GSG1L: variants seen among roughly 807,000 people sequenced by gnomAD.
The protein encoded by GSG1L is germ cell-specific gene 1-like protein.
In GSG1L, 24 loss-of-function variants were observed where a neutral mutation model predicts 42.1. That is an observed-to-expected ratio of 0.57 (90% CI 0.41 to 0.80). The LOEUF is 0.80. Ranked by LOEUF, GSG1L falls within the 30% of genes least tolerant of loss-of-function variation. The pLI, the probability that GSG1L is intolerant of heterozygous loss-of-function variation, is 0.00. For synonymous variants in GSG1L, 215 were observed against 203.5 expected, an observed-to-expected ratio of 1.06 and a Z score of -0.48; for missense variants, 445 against 472.2, an observed-to-expected ratio of 0.94 and a Z score of 0.53.
chr16:27,886,903 C>G (rs1389187255), intron 2 of GSG1L, among the ~76,000 whole-genome samples: 1 of 152,068 alleles, frequency 6.6e-6, no homozygotes. Flanking sequence ...TTTGCAGGAA[C>G]TACTGGGAAA....
chr16:27,805,972 A>C (rs2082956988), intron 6 of GSG1L, among the ~76,000 whole-genome samples: 1 of 151,940 alleles, frequency 6.6e-6, no homozygotes, highest in African/African-American at 2.4e-5. Context: ...CCTATTCTGC[A>C]GGGAGCCTGG....
At chr16:27,979,568 A>ACC (rs2085289804) in intron 1 of GSG1L, among the ~76,000 whole-genome samples, 8 of 126,392 alleles carry the variant, frequency 6.3e-5, no homozygotes, top group African/African-American at 9.5e-5. Context: ...GAATCCATCA[A>ACC]AAAAAAAAAA....
intron 2 of GSG1L, chr16:27,888,120 T>A (rs993251030): frequency 3.8e-5 from 37 of 985,472 alleles, no homozygotes; most frequent in Non-Finnish European, 4.3e-5. Flanking sequence ...TGGCAGGGAC[T>A]GCCCCTCATC....
intron 1 of GSG1L, among the ~76,000 whole-genome samples, chr16:27,987,730 C>T (rs1391227210): frequency 6.6e-6 from 1 of 151,988 alleles, no homozygotes; most frequent in East Asian, 1.9e-4. Flanking sequence ...GGGCGGATCA[C>T]GAGGTCAGGA....
intron 1 of GSG1L, among the ~76,000 whole-genome samples, chr16:28,017,994 A>G (rs1449206640): frequency 6.6e-6 from 1 of 152,190 alleles, no homozygotes; most frequent in Non-Finnish European, 1.5e-5. Flanking sequence ...CTATACAGAT[A>G]TGTTTTAAAC....
chr16:27,841,758 G>A (rs539775311), intron 4 of GSG1L, among the ~76,000 whole-genome samples: 6 of 152,260 alleles, frequency 3.9e-5, no homozygotes, highest in South Asian at 2.1e-4. Flanking sequence ...GTGGGAATTC[G>A]GTGCCCCTTG....
intron 2 of GSG1L, among the ~76,000 whole-genome samples, chr16:27,958,596 C>T (rs377102314): frequency 6.6e-6 from 1 of 151,868 alleles, no homozygotes; most frequent in Non-Finnish European, 1.5e-5. Flanking sequence ...ACTGATAAAC[C>T]AAACCATTCA....
At chr16:27,954,423 A>G (rs1352961382) in intron 2 of GSG1L, among the ~76,000 whole-genome samples, 1 of 152,172 alleles carries the variant, frequency 6.6e-6, no homozygotes, top group Non-Finnish European at 1.5e-5. Flanking sequence ...AATCCTTCAA[A>G]TAGAGGAACC....
chr16:27,884,878 C>A lies in GSG1L; in HGVS notation c.398-240G>T, dbSNP rs536501656. On this transcript the variant is annotated intron_variant, in intron 2 of 6. Coordinates refer to ENST00000447459, the MANE Select transcript of GSG1L (RefSeq NM_001109763.2). This position sits in a 1 kb window ranked among gnomAD's most constrained non-coding sequence, Gnocchi z 4.4. The stretch of plus-strand genomic sequence containing the variant: ...CCTATTACTGGGGAAGAACTTTTAT[C>A]CTGTGGCTGGACCAAGGGCTCCCTT... 1.3e-5 allele frequency among the ~76,000 whole-genome samples: 2 copies of A among 152,138 alleles called. No individual in the cohort carries two copies. The highest frequency in any genetic ancestry group is 2.9e-5 in the Non-Finnish European group (2 of 68,024).
intron 3 of GSG1L, chr16:27,850,368 C>G (rs1290176711): frequency 8.1e-6 from 3 of 368,770 alleles, no homozygotes; most frequent in South Asian, 2.0e-5. Context: ...AGCAAGCAAA[C>G]AGTTGAAGGG....
At chr16:28,020,313 AG>A (rs35128081) in intron 1 of GSG1L, among the ~76,000 whole-genome samples, 1 of 152,184 alleles carries the variant, frequency 6.6e-6, no homozygotes, top group Non-Finnish European at 1.5e-5. Context: ...CATTGTTATA[AG>A]GGGTGTCATT....
At chr16:27,801,537 C>T (rs1023356179) in intron 6 of GSG1L, among the ~76,000 whole-genome samples, 3 of 152,224 alleles carry the variant, frequency 2.0e-5, no homozygotes, top group Non-Finnish European at 4.4e-5. Flanking sequence ...CTCGTCCAGG[C>T]ATTTCCAAAA....
At chr16:27,916,982 G>A (rs2084465010) in intron 2 of GSG1L, among the ~76,000 whole-genome samples, 1 of 152,156 alleles carries the variant, frequency 6.6e-6, no homozygotes, top group African/African-American at 2.4e-5. Context: ...GTAGGAAGGA[G>A]GAAGCTAAAT....
intron 2 of GSG1L, among the ~76,000 whole-genome samples, chr16:27,888,466 C>CTCTT (rs2084065664): frequency 2.7e-5 from 1 of 36,558 alleles, no homozygotes; most frequent in African/African-American, 8.9e-5. Context: ...CTTTCTTTCT[C>CTCTT]TCTCTCTCTC....
chr16:27,862,080 G>A (rs527372498), intron 3 of GSG1L, among the ~76,000 whole-genome samples: 1 of 152,270 alleles, frequency 6.6e-6, no homozygotes, highest in Admixed American at 6.5e-5. Flanking sequence ...TTATGAAGGA[G>A]CAACTCTAAG....
chr16:28,031,891 C>T (rs574139656), intron 1 of GSG1L, among the ~76,000 whole-genome samples: 6 of 152,384 alleles, frequency 3.9e-5, no homozygotes, highest in South Asian at 4.1e-4. Context: ...AGAGATCACG[C>T]ATTTCCTAAT....
intron 2 of GSG1L, among the ~76,000 whole-genome samples, chr16:27,911,134 C>T (rs528606695): frequency 2.6e-4 from 40 of 152,296 alleles, no homozygotes; most frequent in South Asian, 6.2e-4. Flanking sequence ...TAGCAGCTGC[C>T]GGATCCTGCT....
chr16:27,883,395 T>C (rs193108423), intron 3 of GSG1L, among the ~76,000 whole-genome samples: 194 of 152,302 alleles, frequency 1.3e-3, no homozygotes, highest in African/African-American at 4.3e-3. Flanking sequence ...TGACAATTGT[T>C]CTATTTTTCT....
chr16:27,950,950 T>C (rs2084944136), intron 2 of GSG1L, among the ~76,000 whole-genome samples: 1 of 152,140 alleles, frequency 6.6e-6, no homozygotes, highest in Non-Finnish European at 1.5e-5. Context: ...CCCTCACGGA[T>C]TGTGAGTCTG....
Sources: gnomAD v4.1 joint callset for allele counts (sites outside exome capture counted in the v4.1 genomes callset) on GRCh38, gnomAD v4.1.1 for gene constraint, Gnocchi (gnomAD v3.1) non-coding constraint, MANE v1.5 for transcripts, NCBI Gene and HGNC (gene_info 2026-07-23, HGNC 2026-07-21) for gene names.